The following RRBP1 variants were observed in gnomAD, a reference collection of about 807,000 sequenced individuals.
RRBP1 encodes ribosome-binding protein 1.
Under a neutral mutation model 165.2 loss-of-function variants are expected in RRBP1, and 94 were observed. That is an observed-to-expected ratio of 0.57 (90% CI 0.48 to 0.68). The LOEUF (loss-of-function observed/expected upper bound fraction) is 0.68, where lower values mean the gene tolerates loss of function less well. Among genes scored for constraint, RRBP1 ranks in the 30% least tolerant of loss-of-function variants. RRBP1 has a pLI of 0.00. For synonymous variants in RRBP1, 680 were observed against 714.5 expected, an observed-to-expected ratio of 0.95 and a Z score of 0.77; for missense variants, 1,676 against 1,763.0, an observed-to-expected ratio of 0.95 and a Z score of 0.88.
At chr20:17,668,766 C>T (rs1361806933) in intron 2 of RRBP1, among the ~76,000 whole-genome samples, 1 of 152,216 alleles carries the variant, frequency 6.6e-6, no homozygotes, top group Non-Finnish European at 1.5e-5. Context: ...TCCCCCTGGA[C>T]ATTAAAGCCA....
At position 17,641,832 on chromosome 20, in the gene RRBP1, C is replaced by T. The variant is rs1277750035; in HGVS notation, c.2149G>A (p.Ala717Thr). ...KLLATEQEDA[A>T]VAKSKLRELN... is the part of the protein sequence containing the mutation. ...TCCCTCAGTTTGCTCTTGGCGACAG[C>T]CGCATCTTCCTGTTCTGTGGCCAGC... Residue 717 changes from alanine (A) to threonine (T), a missense_variant, in exon 5 of 25, where the codon GCT becomes ACT. This residue lies in a region of RRBP1 where 1,184 missense variants were observed against 1,167.1 expected (regional missense o/e 1.01). Transcript: ENST00000377813. 2.5e-6 allele frequency: 4 copies of T among 1,613,788 alleles called. No individual in the cohort carries two copies. The highest frequency in any genetic ancestry group is 3.4e-6 in the Non-Finnish European group (4 of 1,180,018).
chr20:17,642,379 G>A lies in RRBP1; in HGVS notation c.2062-460C>T, dbSNP rs559534206. Among the ~76,000 whole-genome samples the A allele has an allele frequency of 2.5e-4, 38 of 152,192 alleles. 1 individual carries two copies. The highest frequency in any genetic ancestry group is 1.1e-3 in the Admixed American group (17 of 15,294). ...CATACCCAGTAGAGCCCCCAGTGAC[G>A]ACTGACAAGCTCTCGGTGCCACTGA... On this transcript the variant is annotated intron_variant, in intron 4 of 24. Coordinates refer to ENST00000377813, the MANE Select transcript of RRBP1 (RefSeq NM_001365613.2).
intron 2 of RRBP1, among the ~76,000 whole-genome samples, chr20:17,673,382 C>T (rs934628423): frequency 6.6e-6 from 1 of 152,168 alleles, no homozygotes; most frequent in Non-Finnish European, 1.5e-5. Context: ...AGTCCTGTGG[C>T]CATGCCACCT....
At chr20:17,662,919 T>C (rs922715726) in intron 2 of RRBP1, among the ~76,000 whole-genome samples, 16 of 152,078 alleles carry the variant, frequency 1.1e-4, no homozygotes, top group Non-Finnish European at 2.4e-4. Flanking sequence ...TACAAGCCTG[T>C]GATCTTAGCA....
chr20:17,666,648 T>C (rs2036876500), intron 2 of RRBP1, among the ~76,000 whole-genome samples: 1 of 152,236 alleles, frequency 6.6e-6, no homozygotes, highest in Non-Finnish European at 1.5e-5. Flanking sequence ...CTCATTTCTT[T>C]TTCTTGGCTT....
intron 3 of RRBP1, among the ~76,000 whole-genome samples, chr20:17,646,401 C>G (rs573743620): frequency 2.8e-4 from 42 of 152,346 alleles, no homozygotes; most frequent in Admixed American, 2.0e-3. Flanking sequence ...CAGTGGGGCA[C>G]CAAGGTCAGA....
intron 8 of RRBP1, among the ~76,000 whole-genome samples, chr20:17,631,711 G>A (rs1040271151): frequency 7.9e-5 from 12 of 152,224 alleles, no homozygotes; most frequent in Non-Finnish European, 8.8e-5. Flanking sequence ...GAGGCCGTCC[G>A]GGGAGAGACA....
intron 2 of RRBP1, among the ~76,000 whole-genome samples, chr20:17,677,951 T>C (rs2037113359): frequency 6.6e-6 from 1 of 152,254 alleles, no homozygotes. Flanking sequence ...ACACTGGAAC[T>C]CCAATACTTT....
intron 3 of RRBP1, among the ~76,000 whole-genome samples, chr20:17,657,987 A>C (rs2036676275): frequency 1.3e-5 from 2 of 152,254 alleles, no homozygotes; most frequent in Admixed American, 1.3e-4. Flanking sequence ...ACGCAGCCAG[A>C]CAGTTAAGAA....
intron 5 of RRBP1, among the ~76,000 whole-genome samples, chr20:17,638,606 T>C (rs2036289971): frequency 6.6e-6 from 1 of 152,194 alleles, no homozygotes; most frequent in Non-Finnish European, 1.5e-5. Flanking sequence ...TAGCTCTCTA[T>C]GGTTTCTTTT....
At chr20:17,623,888 C>T (rs1354866909) in intron 13 of RRBP1, among the ~76,000 whole-genome samples, 12 of 151,662 alleles carry the variant, frequency 7.9e-5, no homozygotes, top group South Asian at 2.1e-4. Context: ...CCTGAGATCA[C>T]GCCACTGCAC....
At chr20:17,675,021 C>A (rs2037051242) in intron 2 of RRBP1, among the ~76,000 whole-genome samples, 1 of 152,232 alleles carries the variant, frequency 6.6e-6, no homozygotes, top group South Asian at 2.1e-4. Flanking sequence ...CCAGTTCTGT[C>A]AAGGTGCCAT....
At position 17,660,071 on chromosome 20, in the gene RRBP1, A is replaced by T; in HGVS notation, c.437T>A (p.Val146Glu). 1 of 1,613,904 alleles carries T rather than the reference A, an allele frequency of 6.2e-7. No individual in the cohort carries two copies. The highest frequency in any genetic ancestry group is 2.2e-5 in the East Asian group (1 of 44,868). Residue 146 changes from valine to glutamate, a missense_variant, in exon 3 of 25, where the codon GTG becomes GAG. Physicochemically the swap from Val to Glu is moderately radical, Grantham distance 121. Around this residue, in one of 5 missense-constraint regions of RRBP1, gnomAD observed 392 missense variants for 382.5 expected, o/e 1.02. Coordinates refer to ENST00000377813, the MANE Select transcript of RRBP1 (RefSeq NM_001365613.2). ...GCTGACAGCTGGTTCCACTTTTGCCACTTTTTTCTCCTTCTTCTTTTTGTC... is the reference window on the plus strand; with the variant it reads ...GCTGACAGCTGGTTCCACTTTTGCCTCTTTTTTCTCCTTCTTCTTTTTGTC... ...PKDKKKKEKK[V>E]AKVEPAVSSV...
chr20:17,647,189 C>T (rs929188184), intron 3 of RRBP1, among the ~76,000 whole-genome samples: 3 of 152,216 alleles, frequency 2.0e-5, no homozygotes, highest in South Asian at 4.1e-4. Flanking sequence ...CCCAGCAGTT[C>T]GTAAATTGCT....
At chr20:17,626,648 C>T (rs1600732743) in intron 11 of RRBP1, among the ~76,000 whole-genome samples, 2 of 152,208 alleles carry the variant, frequency 1.3e-5, no homozygotes, top group Admixed American at 6.5e-5. Flanking sequence ...CCCCTAGCCA[C>T]GGCGGCCAGG....
At chr20:17,650,860 G>A (rs879340437) in intron 3 of RRBP1, among the ~76,000 whole-genome samples, 3 of 152,154 alleles carry the variant, frequency 2.0e-5, no homozygotes, top group Non-Finnish European at 4.4e-5. Flanking sequence ...GCATAATCCT[G>A]CAAACAAAGA....
chr20:17,616,022 C>T lies in RRBP1; in HGVS notation c.3868-13G>A, dbSNP rs1023635592. 3.7e-6 allele frequency: 6 copies of T among 1,601,978 alleles called. No individual in the cohort carries two copies. Among genetic ancestry groups the T allele is most frequent in the Non-Finnish European group, 3.4e-6 (4 of 1,178,702 alleles). On this transcript the variant is annotated splice_polypyrimidine_tract_variant and intron_variant, in intron 21 of 24. Transcript: ENST00000377813. ...GCTGCGTCTTCAGCTGTGCAAACAC[C>T]GCAAACATAACCCGGCAGCCCGGTG... is the stretch of plus-strand genomic sequence containing the variant.
In RRBP1 at chr20:17,620,697, A is replaced by T. The variant is rs370942429; in HGVS notation, c.3507+18T>A. On this transcript the variant is annotated intron_variant, in intron 17 of 24. Coordinates refer to ENST00000377813, the MANE Select transcript of RRBP1 (RefSeq NM_001365613.2). ...CATGTGCTCCACGGCGCCGGGAGGCAGGCAGGGCTGCATATACCTTCTGGA... is the reference window on the plus strand; with the variant it reads ...CATGTGCTCCACGGCGCCGGGAGGCTGGCAGGGCTGCATATACCTTCTGGA... The T allele has an allele frequency of 6.2e-5, 98 of 1,591,774 alleles. 1 individual carries two copies. The highest frequency in any genetic ancestry group is 1.7e-5 in the Admixed American group (1 of 59,854).
At chr20:17,642,240 C>A (rs577831110) in intron 4 of RRBP1, among the ~76,000 whole-genome samples, 1 of 152,364 alleles carries the variant, frequency 6.6e-6, no homozygotes, top group African/African-American at 2.4e-5. Flanking sequence ...CCTACCCGAG[C>A]CGGGCGTGCA....
Sources: allele counts gnomAD v4.1 joint callset (sites outside exome capture counted in the v4.1 genomes callset), GRCh38; gene constraint gnomAD v4.1.1; regional missense constraint gnomAD v4.1.1; transcripts MANE v1.5; gene names NCBI Gene and HGNC (gene_info 2026-07-23, HGNC 2026-07-21).